The following ZNF583 variants were observed in gnomAD, a reference collection of about 807,000 sequenced individuals.
ZNF583 encodes zinc finger protein 583.
In ZNF583, 30 loss-of-function variants were observed where a neutral mutation model predicts 55.3. The ratio of observed to expected loss-of-function variants is 0.54; its 90% confidence interval spans 0.41 to 0.74. The LOEUF is 0.74. ZNF583 is among the 30% of genes least tolerant of loss of function. The probability of loss-of-function intolerance (pLI) is 0.00; values close to 1 mark genes in which losing one functional copy is unlikely to be tolerated. For synonymous variants in ZNF583, 208 were observed against 220.0 expected (o/e 0.95, Z 0.48); for missense variants, 504 against 664.7 (o/e 0.76, Z 2.66).
In ZNF583 at chr19:56,424,078, A is replaced by G. The variant is rs944007060; in HGVS notation, c.1420A>G (p.Ser474Gly). Residue 474 changes from serine to glycine, a missense_variant, in exon 5 of 5, where the codon AGC becomes GGC. This residue lies in a region of ZNF583 where 237 missense variants were observed against 373.0 expected (regional missense o/e 0.64). Transcript: ENST00000333201. ...YMCKECRKTF[S>G]QNAGLAQHQR... ...GTGTAAGGAATGTAGGAAAACATTT[A>G]GCCAGAATGCAGGCCTTGCTCAACA... is the stretch of plus-strand genomic sequence containing the variant. 1.2e-6 allele frequency: 2 copies of G among 1,614,138 alleles called. No homozygotes were observed. The highest frequency in any genetic ancestry group is 1.1e-5 in the South Asian group (1 of 91,078).
intron 2 of ZNF583, 110 bp downstream of exon 2, chr19:56,407,233 C>A: frequency 1.6e-6 from 2 of 1,230,218 alleles, no homozygotes; most frequent in Non-Finnish European, 2.4e-6. Flanking sequence ...TTCCATTCAT[C>A]CAGTGACTCG....
rs763528612 is a variant in ZNF583 at position 56,424,283 on chromosome 19, ATAC to A, written c.1628_1630del (p.Thr543del). ...CATCTTGCTCATCATGAGAGAATTC[ATAC>A]TATGGAGTCATTCTTGACTCTTTCC... On this transcript the variant is annotated inframe_deletion, in exon 5 of 5. Transcript: ENST00000333201. The A allele has an allele frequency of 3.3e-5, 53 of 1,613,952 alleles. 1 individual carries two copies. The South Asian group carries it at 5.7e-4, about 17-fold the overall frequency.
rs571284785 is a variant in ZNF583, at chr19:56,424,471, G to T, written c.*103G>T. The T allele has an allele frequency of 1.1e-5, 7 of 624,246 alleles. No homozygotes were observed. In the East Asian group the frequency reaches 1.9e-4, roughly 17 times the overall value. The allele number at this position is 624,246 out of a possible 1,614,324, so 38.7% of individuals were successfully genotyped here. On this transcript the variant is annotated 3_prime_UTR_variant, in exon 5 of 5. Transcript: ENST00000333201. ...GGATACTCGAGTAGCTTTCTAATTG[G>T]TCTCCTTGTACTCACCATTGTCTCT...
intron 4 of ZNF583, among the ~76,000 whole-genome samples, chr19:56,420,294 T>C (rs1369141443): frequency 1.3e-5 from 2 of 152,168 alleles, no homozygotes; most frequent in African/African-American, 4.8e-5. Context: ...AGCATACTCA[T>C]CTTGGTTTCG....
chr19:56,416,684 AT>A (rs2042330268), intron 4 of ZNF583, among the ~76,000 whole-genome samples: 1 of 149,972 alleles, frequency 6.7e-6, no homozygotes, highest in East Asian at 1.9e-4. Context: ...TACCTTAAAC[AT>A]TTTTTTCTTT....
chr19:56,416,358 G>A (rs2042322807), intron 4 of ZNF583, among the ~76,000 whole-genome samples: 1 of 150,798 alleles, frequency 6.6e-6, no homozygotes, highest in Non-Finnish European at 1.5e-5. Context: ...CATTTATTAG[G>A]TTGCTCTACT....
chr19:56,412,386 G>A (rs922380141), intron 2 of ZNF583, among the ~76,000 whole-genome samples: 18 of 152,258 alleles, frequency 1.2e-4, no homozygotes, highest in African/African-American at 3.4e-4. Flanking sequence ...GTCTTGTTCC[G>A]TGTTATCTTA....
In ZNF583 at chr19:56,407,067, T is replaced by C; in HGVS notation, c.-48T>C. On this transcript the variant is annotated 5_prime_UTR_variant, in exon 2 of 5. Transcript: ENST00000333201. Reference sequence around the variant, plus strand: ...TACTGTCCCTCTCCCACAGAGGAGCTGAAGGAGTAGGACAGAAGAACTGTC... The same window carrying C: ...TACTGTCCCTCTCCCACAGAGGAGCCGAAGGAGTAGGACAGAAGAACTGTC... The C allele has an allele frequency of 1.2e-6, 2 of 1,612,376 alleles. No homozygotes were observed. Among genetic ancestry groups the C allele is most frequent in the South Asian group, 1.1e-5 (1 of 90,788 alleles).
chr19:56,416,216 C>T (rs2042319566), intron 4 of ZNF583, among the ~76,000 whole-genome samples: 1 of 150,268 alleles, frequency 6.7e-6, no homozygotes, highest in African/African-American at 2.4e-5. Flanking sequence ...ATCCCAGCTA[C>T]TTAGGAGGCT....
In ZNF583 at chr19:56,406,702, A is replaced by AT. The variant is rs550103554; in HGVS notation, c.-89-318dup. 9.2e-5 allele frequency among the ~76,000 whole-genome samples: 14 copies of AT among 151,570 alleles called. No individual in the cohort carries two copies. The East Asian group carries it at 2.1e-3, about 23-fold the overall frequency. ...CCACCACACCTGGCTAATTTTGTGT[A>AT]TTTTTTAGTAGAGACGGGGTTTCCC... On this transcript the variant is annotated intron_variant, in intron 1 of 4. Transcript: ENST00000333201.
intron 2 of ZNF583, among the ~76,000 whole-genome samples, chr19:56,410,644 G>T (rs1457212202): frequency 6.6e-6 from 1 of 152,168 alleles, no homozygotes; most frequent in African/African-American, 2.4e-5. Context: ...GGAGGTTGCT[G>T]TGAGCCAAGA....
chr19:56,418,644 T>C (rs1266104370), intron 4 of ZNF583, among the ~76,000 whole-genome samples: 1 of 152,198 alleles, frequency 6.6e-6, no homozygotes, highest in East Asian at 1.9e-4. Flanking sequence ...CATTTAATGG[T>C]TGCCCTCACA....
intron 4 of ZNF583, chr19:56,414,649 T>C (rs1278274169): frequency 2.0e-6 from 1 of 504,770 alleles, no homozygotes; most frequent in African/African-American, 2.0e-5. Context: ...TCTCTGACAG[T>C]AATCTTCTCT....
intron 2 of ZNF583, among the ~76,000 whole-genome samples, chr19:56,408,101 G>A (rs926592522): frequency 6.6e-6 from 1 of 152,050 alleles, no homozygotes; most frequent in African/African-American, 2.4e-5. Context: ...ATTATATGAT[G>A]TACTGATATT....
In ZNF583 at chr19:56,424,053, G is replaced by A. The variant is rs1474933662; in HGVS notation, c.1395G>A (p.Met465Ile). ...QRSHTGEKPY[M>I]CKECRKTFSQ... The stretch of plus-strand genomic sequence containing the variant: ...GTCATACTGGAGAAAAACCCTATAT[G>A]TGTAAGGAATGTAGGAAAACATTTA... The change falls in exon 5 of 5, where the codon ATG (methionine) becomes ATA (isoleucine). Residue 465 changes from methionine (M) to isoleucine (I), a missense_variant. Around this residue, in one of 3 missense-constraint regions of ZNF583, gnomAD observed 237 missense variants for 373.0 expected, o/e 0.64. Coordinates refer to ENST00000333201, the MANE Select transcript of ZNF583 (RefSeq NM_152478.3). 1 of 1,613,086 alleles carries A rather than the reference G, an allele frequency of 6.2e-7. No individual in the cohort carries two copies. The highest frequency in any genetic ancestry group is 8.5e-7 in the Non-Finnish European group (1 of 1,179,790).
Position 56,426,809 on chromosome 19 carries a change from G to A in ZNF583, c.*2441G>A, listed in dbSNP as rs1419034256. The A allele has an allele frequency of 6.6e-6, 1 of 152,106 alleles. No homozygotes were observed. Among genetic ancestry groups the A allele is most frequent in the Non-Finnish European group, 1.5e-5 (1 of 68,024 alleles). The allele number at this position is 152,106 out of a possible 1,614,324, so 9.4% of individuals were successfully genotyped here. A position where few individuals can be genotyped will look rare whatever the true frequency, so the allele number is the denominator to read the frequency against. ...AGAGCATGAGTTTGTACAAACTCTG[G>A]TAGGCAATTTGTCAACTTCAGAATT... On this transcript the variant is annotated 3_prime_UTR_variant, in exon 5 of 5. Transcript: ENST00000333201.
chr19:56,412,141 A>C (rs1285572591), intron 2 of ZNF583, among the ~76,000 whole-genome samples: 1 of 152,236 alleles, frequency 6.6e-6, no homozygotes, highest in African/African-American at 2.4e-5. Context: ...AGCAGCACTC[A>C]GTGAAGTAGC....
chr19:56,418,813 G>A, intron 4 of ZNF583, among the ~76,000 whole-genome samples: 1 of 152,174 alleles, frequency 6.6e-6, no homozygotes, highest in East Asian at 1.9e-4. Flanking sequence ...AAGAGGAAAT[G>A]TACTTGTGCT....
In ZNF583 at chr19:56,426,938, T is replaced by TAGA. The variant is rs2042495792; in HGVS notation, c.*2571_*2572insGAA. 7.0e-6 allele frequency: 1 copy of TAGA among 143,196 alleles called. No homozygotes were observed. Among genetic ancestry groups the TAGA allele is most frequent in the Non-Finnish European group, 1.5e-5 (1 of 65,766 alleles). The allele number at this position is 143,196 out of a possible 1,614,324, so 8.9% of individuals were successfully genotyped here. A position where few individuals can be genotyped will look rare whatever the true frequency, so the allele number is the denominator to read the frequency against. ...CACATAGAACAATGTAAATGATTCT[T>TAGA]AAAAAAAAAAAAAAGGTGAGGCTTT... On this transcript the variant is annotated 3_prime_UTR_variant, in exon 5 of 5. Transcript: ENST00000333201.
Sources: gnomAD v4.1 joint callset for allele counts (sites outside exome capture counted in the v4.1 genomes callset) on GRCh38, gnomAD v4.1.1 for gene constraint, gnomAD v4.1.1 regional missense constraint, MANE v1.5 for transcripts, NCBI Gene and HGNC (gene_info 2026-07-23, HGNC 2026-07-21) for gene names.